The following MVB12B variants were observed in gnomAD, a reference collection of about 807,000 sequenced individuals.
MVB12B encodes the protein ESCRT-I complex subunit MVB12B.
MVB12B carries 16 observed loss-of-function variants against 41.6 expected under a neutral mutation model. That is an observed-to-expected ratio of 0.38 (90% confidence interval 0.26 to 0.58). The LOEUF is 0.58. MVB12B is among the 20% of genes least tolerant of loss of function. The pLI is 0.62. For missense variants in MVB12B, 274 were observed against 380.2 expected (o/e 0.72, Z 2.32); for synonymous variants, 133 against 139.7 (o/e 0.95, Z 0.34).
intron 3 of MVB12B, among the ~76,000 whole-genome samples, chr9:126,384,081 T>C (rs958874346): frequency 2.0e-5 from 3 of 151,860 alleles, no homozygotes; most frequent in Non-Finnish European, 4.4e-5. Flanking sequence ...AGTGATGACA[T>C]GGAAAAGCAA....
chr9:126,368,585 A>T (rs1207370738), intron 2 of MVB12B, among the ~76,000 whole-genome samples: 1 of 152,202 alleles, frequency 6.6e-6, no homozygotes, highest in Non-Finnish European at 1.5e-5. Flanking sequence ...AGAAAATCTA[A>T]ATCATGTAGA....
chr9:126,416,876 C>T (rs1831842353), intron 6 of MVB12B, among the ~76,000 whole-genome samples: 1 of 152,200 alleles, frequency 6.6e-6, no homozygotes, highest in Non-Finnish European at 1.5e-5. Flanking sequence ...GCCAGAGACC[C>T]AGCTGATGGC....
Position 126,415,483 on chromosome 9 carries a change from T to A in MVB12B, c.663-6371T>A, listed in dbSNP as rs138427735. The stretch of plus-strand genomic sequence containing the variant: ...TCCATTGTTTGATTGTTCATCTGAT[T>A]CTAGTTTTTGGCTTTATAAGTAGTG... On this transcript the variant is annotated intron_variant, in intron 6 of 9. Transcript: ENST00000361171. Among the ~76,000 whole-genome samples, 802 of 152,312 alleles carry A rather than the reference T, an allele frequency of 5.3e-3. 4 individuals carry two copies. Among genetic ancestry groups the A allele is most frequent in the Non-Finnish European group, 8.2e-3 (561 of 68,032 alleles).
At chr9:126,415,603 G>A (rs1379642273) in intron 6 of MVB12B, among the ~76,000 whole-genome samples, 1 of 152,188 alleles carries the variant, frequency 6.6e-6, no homozygotes, top group Non-Finnish European at 1.5e-5. Flanking sequence ...GGATGAGAAG[G>A]AGAGAAGAGA....
At chr9:126,409,480 T>TGC (rs372716929) in intron 6 of MVB12B, among the ~76,000 whole-genome samples, 1 of 30,854 alleles carries the variant, frequency 3.2e-5, no homozygotes, top group East Asian at 3.3e-4. Flanking sequence ...GAGAATTAAA[T>TGC]TGGGGGGGGA....
At position 126,473,801 on chromosome 9, in the gene MVB12B, A is replaced by G. The variant is rs1936254078; in HGVS notation, c.758-7568A>G. 6.6e-6 allele frequency among the ~76,000 whole-genome samples: 1 copy of G among 152,184 alleles called. No homozygotes were observed. Among genetic ancestry groups the G allele is most frequent in the Non-Finnish European group, 1.5e-5 (1 of 68,026 alleles). On this transcript the variant is annotated intron_variant, in intron 7 of 9. Transcript: ENST00000361171. The surrounding 1 kb of genome is among the most constrained non-coding windows in gnomAD (Gnocchi z 4.0). ...TTACAATTGAACATGAGATTTGGGT[A>G]TTTGGGTGGGGACACAGATTCAAGC...
chr9:126,335,305 C>T (rs796090656), intron 1 of MVB12B: 13 of 1,300,798 alleles, frequency 1.0e-5, no homozygotes, highest in South Asian at 2.5e-5. Flanking sequence ...CAGTGACAGC[C>T]TCTCAGTCTG....
intron 7 of MVB12B, among the ~76,000 whole-genome samples, chr9:126,422,542 G>T (rs188773472): frequency 2.0e-5 from 3 of 152,262 alleles, no homozygotes; most frequent in East Asian, 3.9e-4. Context: ...GATTCATTAG[G>T]TGCTTGGCAG....
At chr9:126,369,237 G>A (rs1038983292) in intron 2 of MVB12B, among the ~76,000 whole-genome samples, 1 of 152,200 alleles carries the variant, frequency 6.6e-6, no homozygotes, top group African/African-American at 2.4e-5. Flanking sequence ...GTCCTGTATT[G>A]TCTGTAGCAA....
intron 7 of MVB12B, among the ~76,000 whole-genome samples, chr9:126,474,153 G>T (rs1479248055): frequency 1.3e-5 from 2 of 152,204 alleles, no homozygotes; most frequent in African/African-American, 4.8e-5. Context: ...CCCTTAGGCT[G>T]CATGGAAGGG....
chr9:126,386,008 G>A lies in MVB12B; in HGVS notation c.313-554G>A, dbSNP rs1830779295. Among the ~76,000 whole-genome samples the A allele has an allele frequency of 6.6e-6, 1 of 152,200 alleles. No homozygotes were observed. The highest frequency in any genetic ancestry group is 2.4e-5 in the African/African-American group (1 of 41,432). The stretch of plus-strand genomic sequence containing the variant: ...GGAGGCCCTTGTGCGTGTCATTTTA[G>A]AAGATGTGTAATATTGAGGCAGCAG... On this transcript the variant is annotated intron_variant, in intron 3 of 9. Transcript: ENST00000361171. The surrounding 1 kb of genome is among the most constrained non-coding windows in gnomAD (Gnocchi z 4.3).
chr9:126,437,499 C>A (rs994317114), intron 7 of MVB12B, among the ~76,000 whole-genome samples: 3 of 152,054 alleles, frequency 2.0e-5, no homozygotes, highest in Non-Finnish European at 4.4e-5. Context: ...TTTAATAATA[C>A]CCCCATAATA....
At position 126,421,964 on chromosome 9, in the gene MVB12B, G is replaced by A. The variant is rs755348320; in HGVS notation, c.757+16G>A. On this transcript the variant is annotated intron_variant, in intron 7 of 9. Transcript: ENST00000361171. ...GCCATATCAGGTATGTGGAGCCACCGCTGCAGGCCAGCTACAGAGTCTGTG... is the reference window on the plus strand; with the variant it reads ...GCCATATCAGGTATGTGGAGCCACCACTGCAGGCCAGCTACAGAGTCTGTG... The A allele has an allele frequency of 5.1e-6, 8 of 1,583,702 alleles. No individual in the cohort carries two copies. The highest frequency in any genetic ancestry group is 1.7e-5 in the Admixed American group (1 of 59,976).
chr9:126,403,180 T>C lies in MVB12B; in HGVS notation c.662+7483T>C, dbSNP rs560092758. On this transcript the variant is annotated intron_variant, in intron 6 of 9. Transcript: ENST00000361171. ...TGTTCCTTTTTCCTCAATCGAGAAC[T>C]TCACTGGCTTCCTGTTATCCGACCG... is the stretch of plus-strand genomic sequence containing the variant. Among the ~76,000 whole-genome samples, 19 of 152,358 alleles carry C rather than the reference T, an allele frequency of 1.2e-4. No homozygotes were observed. The South Asian group carries it at 1.9e-3, about 15-fold the overall frequency.
intron 7 of MVB12B, among the ~76,000 whole-genome samples, chr9:126,425,802 G>A (rs903060439): frequency 8.5e-5 from 13 of 152,146 alleles, no homozygotes; most frequent in Admixed American, 3.9e-4. Context: ...CCATCAGTGT[G>A]TCACTCTGTA....
intron 7 of MVB12B, among the ~76,000 whole-genome samples, chr9:126,456,548 T>C (rs1273601362): frequency 6.6e-6 from 1 of 152,248 alleles, no homozygotes; most frequent in African/African-American, 2.4e-5. Flanking sequence ...ACGGGATACT[T>C]GGCTGGGGTT....
intron 8 of MVB12B, among the ~76,000 whole-genome samples, chr9:126,482,680 T>C (rs1481028130): frequency 6.6e-6 from 1 of 152,192 alleles, no homozygotes; most frequent in East Asian, 1.9e-4. Flanking sequence ...CACCCCTCGT[T>C]TTGGCAGCAC....
At chr9:126,482,038 G>A (rs913668294) in intron 8 of MVB12B, among the ~76,000 whole-genome samples, 2 of 152,224 alleles carry the variant, frequency 1.3e-5, no homozygotes, top group Non-Finnish European at 2.9e-5. Flanking sequence ...CCAGGCTCAC[G>A]CCATCTTTTT....
chr9:126,350,682 A>G (rs1829721393), intron 2 of MVB12B, among the ~76,000 whole-genome samples: 1 of 152,152 alleles, frequency 6.6e-6, no homozygotes, highest in South Asian at 2.1e-4. Flanking sequence ...TGCTCCCATG[A>G]TAACCAATCA....
Sources: gnomAD v4.1 joint callset for allele counts (sites outside exome capture counted in the v4.1 genomes callset) on GRCh38, gnomAD v4.1.1 for gene constraint, Gnocchi (gnomAD v3.1) non-coding constraint, MANE v1.5 for transcripts, NCBI Gene and HGNC (gene_info 2026-07-23, HGNC 2026-07-21) for gene names.